The following CATSPERB variants were observed in gnomAD, a reference collection of about 807,000 sequenced individuals.
CATSPERB encodes the protein cation channel sperm-associated auxiliary subunit beta.
In CATSPERB, 93 loss-of-function variants were observed where a neutral mutation model predicts 128.3. The observed-to-expected ratio is 0.72, with a 90% confidence interval of 0.61 to 0.86. CATSPERB has a LOEUF of 0.86. CATSPERB is among the 40% of genes least tolerant of loss of function. CATSPERB has a pLI of 0.00. For synonymous variants in CATSPERB, 381 were observed against 448.8 expected (o/e 0.85, Z 1.91); for missense variants, 1,153 against 1,329.5 (o/e 0.87, Z 2.06).
intron 16 of CATSPERB, among the ~76,000 whole-genome samples, chr14:91,636,983 GCTAGAGACTC>G (rs1357088896): frequency 2.0e-5 from 3 of 152,196 alleles, no homozygotes; most frequent in Non-Finnish European, 4.4e-5. Flanking sequence ...CTGATCTCGT[GCTAGAGACTC>G]TGGACAGCTG....
intron 4 of CATSPERB, among the ~76,000 whole-genome samples, chr14:91,722,504 G>C (rs1286616425): frequency 6.6e-6 from 1 of 152,138 alleles, no homozygotes; most frequent in Non-Finnish European, 1.5e-5. Flanking sequence ...GTGGAGGGGG[G>C]ATTGGGAGTG....
intron 19 of CATSPERB, among the ~76,000 whole-genome samples, chr14:91,618,889 G>C (rs558436990): frequency 6.6e-6 from 1 of 152,334 alleles, no homozygotes; most frequent in Non-Finnish European, 1.5e-5. Context: ...CAGGTCTGGA[G>C]TGAGGCCTGA....
chr14:91,639,213 C>G lies in CATSPERB; in HGVS notation c.1470G>C (p.Glu490Asp). 1 of 1,613,814 alleles carries G rather than the reference C, an allele frequency of 6.2e-7. No homozygotes were observed. The highest frequency in any genetic ancestry group is 8.5e-7 in the Non-Finnish European group (1 of 1,179,866). Residue 490 changes from glutamate (E) to aspartate (D), a missense_variant, in exon 16 of 27, where the codon GAG (glutamate) becomes GAC (aspartate). Transcript: ENST00000256343. ...GATCATAGTATAATGTGAAAATTCT[C>G]TCAGTAACACTTCCGACTGCACTGT... ...GRYSAVGSVT[E>D]RIFTLYYDHL...
At position 91,589,815 on chromosome 14, in the gene CATSPERB, G is replaced by A. The variant is rs1290167779; in HGVS notation, c.2821-146C>T. ...GAGGGGTTTCTGCCTTTTCAGTCAT[G>A]AAAATGTCTTAGAGCAGAATCAATG... On this transcript the variant is annotated intron_variant, in intron 23 of 26. Transcript: ENST00000256343. 9 of 694,184 alleles carry A rather than the reference G, an allele frequency of 1.3e-5. No individual in the cohort carries two copies. In the East Asian group the frequency reaches 2.5e-4, roughly 19 times the overall value. The allele number at this position is 694,184 out of a possible 1,614,324, so 43.0% of individuals were successfully genotyped here. A position where few individuals can be genotyped will look rare whatever the true frequency, so the allele number is the denominator to read the frequency against.
chr14:91,701,995 C>G (rs1415366945), intron 7 of CATSPERB, among the ~76,000 whole-genome samples: 4 of 151,902 alleles, frequency 2.6e-5, no homozygotes, highest in Non-Finnish European at 1.5e-5. Flanking sequence ...ACAGTGGTGA[C>G]CAGTTGGGGA....
chr14:91,674,059 G>T, intron 12 of CATSPERB, 117 bp downstream of exon 12: 1 of 628,496 alleles, frequency 1.6e-6, no homozygotes, highest in Non-Finnish European at 2.8e-6. Context: ...TGGGAGCAAA[G>T]AGTGATTGTG....
intron 6 of CATSPERB, among the ~76,000 whole-genome samples, chr14:91,705,971 A>T (rs1395382829): frequency 1.3e-5 from 2 of 152,214 alleles, no homozygotes; most frequent in African/African-American, 4.8e-5. Flanking sequence ...TGAGAAAAAA[A>T]AGAGTACAAA....
chr14:91,602,495 T>C (rs1325480467), intron 22 of CATSPERB, among the ~76,000 whole-genome samples: 1 of 152,040 alleles, frequency 6.6e-6, no homozygotes. Context: ...GGCACATTCA[T>C]ATTCAAATAA....
In CATSPERB at chr14:91,631,403, C is replaced by T. The variant is rs1042282496; in HGVS notation, c.1742+5022G>A. ...TCAGGGCCGGGTGCAATGGCTCATG[C>T]CTGTAATCCCAGCACTTTGGGAGGC... On this transcript the variant is annotated intron_variant, in intron 17 of 26. Transcript: ENST00000256343. 4.6e-5 allele frequency among the ~76,000 whole-genome samples: 7 copies of T among 152,196 alleles called. No homozygotes were observed. In the East Asian group the frequency reaches 1.3e-3, roughly 29 times the overall value.
At chr14:91,708,060 C>T in intron 6 of CATSPERB, 81 bp downstream of exon 6, 1 of 900,440 alleles carries the variant, frequency 1.1e-6, no homozygotes, top group Non-Finnish European at 1.8e-6. Context: ...GACCTTAGCA[C>T]AGAATCTGGC....
intron 11 of CATSPERB, among the ~76,000 whole-genome samples, chr14:91,675,035 C>G (rs1005068632): frequency 1.3e-5 from 2 of 152,260 alleles, no homozygotes; most frequent in African/African-American, 4.8e-5. Flanking sequence ...TTCACTGCAT[C>G]TCATCCTTGT....
chr14:91,729,333 A>G, intron 2 of CATSPERB, 68 bp downstream of exon 2: 1 of 657,044 alleles, frequency 1.5e-6, no homozygotes. Flanking sequence ...TTTTTACTGT[A>G]AATAAGGAAG....
At chr14:91,583,156 T>C (rs1035495152) in intron 26 of CATSPERB, among the ~76,000 whole-genome samples, 15 of 152,198 alleles carry the variant, frequency 9.9e-5, no homozygotes, top group Non-Finnish European at 1.8e-4. Flanking sequence ...CGGTGGCTCA[T>C]GCCTGTAATC....
At position 91,704,682 on chromosome 14, in the gene CATSPERB, A is replaced by C. The variant is rs778242460; in HGVS notation, c.486T>G (p.Thr162=). ...CACTTTCTGGAATCACATCCCCAGG[A>C]GTCCACTGAAGAATCGGTTCTGTGG... The part of the protein sequence containing the change: ...DVIREPILQW[T]PGDVIPESEI... Residue 162 remains threonine, a synonymous_variant, in exon 7 of 27, where the codon ACT becomes ACG. Transcript: ENST00000256343. 6.2e-7 allele frequency: 1 copy of C among 1,613,434 alleles called. No individual in the cohort carries two copies.
intron 11 of CATSPERB, among the ~76,000 whole-genome samples, chr14:91,683,424 T>C (rs1895319840): frequency 6.6e-6 from 1 of 152,254 alleles, no homozygotes; most frequent in Non-Finnish European, 1.5e-5. Flanking sequence ...AACTGTTTTT[T>C]CTTTTCTTGC....
intron 14 of CATSPERB, among the ~76,000 whole-genome samples, 195 bp downstream of exon 14, chr14:91,669,619 A>G (rs193169909): frequency 6.6e-6 from 1 of 152,372 alleles, no homozygotes; most frequent in East Asian, 1.9e-4. Flanking sequence ...TCATCAGCCA[A>G]TGAACTACCT....
At chr14:91,666,551 C>T (rs1053072794) in intron 14 of CATSPERB, among the ~76,000 whole-genome samples, 15 of 152,196 alleles carry the variant, frequency 9.9e-5, no homozygotes, top group Admixed American at 8.5e-4. Context: ...ACTCGTGAGA[C>T]AACCCCACAA....
intron 15 of CATSPERB, among the ~76,000 whole-genome samples, chr14:91,647,688 T>C (rs999507342): frequency 6.6e-6 from 1 of 152,122 alleles, no homozygotes; most frequent in African/African-American, 2.4e-5. Context: ...GTGAGACTTA[T>C]TCACTATCAC....
At chr14:91,611,912 T>C (rs1299178527) in intron 20 of CATSPERB, among the ~76,000 whole-genome samples, 2 of 152,216 alleles carry the variant, frequency 1.3e-5, no homozygotes, top group Non-Finnish European at 2.9e-5. Context: ...TAAATACCAC[T>C]GTTACATCCA....
Sources: gnomAD v4.1 joint callset for allele counts (sites outside exome capture counted in the v4.1 genomes callset) on GRCh38, gnomAD v4.1.1 for gene constraint, MANE v1.5 for transcripts, NCBI Gene and HGNC (gene_info 2026-07-23, HGNC 2026-07-21) for gene names.